Variants in TF observed in about 807,000 individuals in gnomAD.
TF encodes the protein serotransferrin.
TF carries 55 observed loss-of-function variants against 82.4 expected under a neutral mutation model. The ratio of observed to expected loss-of-function variants is 0.67; its 90% CI spans 0.54 to 0.84. TF has a LOEUF of 0.84. TF is among the 40% of genes least tolerant of loss of function. TF has a pLI of 0.00. For missense variants in TF, 737 were observed against 868.4 expected (o/e 0.85, Z 1.90); for synonymous variants, 332 against 332.6 (o/e 1.00, Z 0.02).
chr3:133,718,480 A>T, the TF span, among the ~76,000 whole-genome samples: 6 of 152,168 alleles, frequency 3.9e-5, no homozygotes, highest in African/African-American at 1.4e-4. Flanking sequence ...TCTGGGAAGC[A>T]GGAGCACAGG....
At chr3:133,772,757 C>T (rs1261109351) in intron 14 of TF, 1 of 152,012 alleles carries the variant, frequency 6.6e-6, no homozygotes, top group East Asian at 1.9e-4. Flanking sequence ...AGGTAGACAA[C>T]ATGATTTTTA....
the TF span, among the ~76,000 whole-genome samples, chr3:133,672,811 G>A: frequency 1.4e-5 from 2 of 144,840 alleles, no homozygotes; most frequent in Non-Finnish European, 3.1e-5. Context: ...GAGAGAAAGA[G>A]AAAGAAAAAG....
Position 133,755,461 on chromosome 3 carries a change from C to T in TF, c.601C>T (p.Leu201Phe), listed in dbSNP as rs778133263. 6.2e-7 allele frequency: 1 copy of T among 1,614,164 alleles called. No homozygotes were observed. The highest frequency in any genetic ancestry group is 1.3e-5 in the African/African-American group (1 of 75,062). ...GTGTCCAGGGTGTGGCTGCTCCACC[C>T]TTAACCAATACTTCGGCTACTCGGG... ...QLCPGCGCST[L>F]NQYFGYSGAF... The change falls in exon 5 of 17, where the codon CTT becomes TTT. Residue 201 changes from leucine to phenylalanine, a missense_variant. Transcript: ENST00000402696.
At chr3:133,739,101 G>T in the TF span, among the ~76,000 whole-genome samples, 1 of 152,118 alleles carries the variant, frequency 6.6e-6, no homozygotes, top group African/African-American at 2.4e-5. Flanking sequence ...GCAGGGCACT[G>T]GTACCAAAAC....
the TF span, among the ~76,000 whole-genome samples, chr3:133,687,878 G>A: frequency 6.6e-6 from 1 of 152,214 alleles, no homozygotes; most frequent in Non-Finnish European, 1.5e-5. Flanking sequence ...TGTGAATAGT[G>A]CTGCTGTGAA....
intron 1 of TF, among the ~76,000 whole-genome samples, chr3:133,747,789 C>G (rs906472399): frequency 6.6e-6 from 1 of 152,124 alleles, no homozygotes; most frequent in Admixed American, 6.5e-5. Flanking sequence ...TAATTCTTTT[C>G]GTTAATTTAC....
chr3:133,787,157 A>G lies in TF; in HGVS notation c.*8537A>G, dbSNP rs1188930893. 1 of 152,144 alleles carries G rather than the reference A, an allele frequency of 6.6e-6. No homozygotes were observed. The highest frequency in any genetic ancestry group is 1.5e-5 in the Non-Finnish European group (1 of 68,020). The allele number at this position is 152,144 out of a possible 1,614,324, so 9.4% of individuals were successfully genotyped here. A position where few individuals can be genotyped will look rare whatever the true frequency, so the allele number is the denominator to read the frequency against. On this transcript the variant is annotated 3_prime_UTR_variant, in exon 17 of 17. Transcript: ENST00000402696. ...AGTACATAATGGACAAATGAGTCCT[A>G]ATTTTGCAACATTTGGTCTCTAGAT...
At chr3:133,725,843 T>C in the TF span, among the ~76,000 whole-genome samples, 1 of 152,196 alleles carries the variant, frequency 6.6e-6, no homozygotes, top group Non-Finnish European at 1.5e-5. Context: ...CAATACCTAA[T>C]TTATTGAGAG....
At chr3:133,679,569 C>CTTTTTT in the TF span, among the ~76,000 whole-genome samples, 432 of 75,370 alleles carry the variant, frequency 5.7e-3, 15 homozygotes, top group Middle Eastern at 0.029. Context: ...CTTTGTTTGG[C>CTTTTTT]TTTTTTTTTT....
the TF span, among the ~76,000 whole-genome samples, chr3:133,729,643 C>G: frequency 6.6e-6 from 1 of 152,192 alleles, no homozygotes; most frequent in African/African-American, 2.4e-5. Context: ...TGTTTCGGCT[C>G]GTGCACAGTG....
the TF span, among the ~76,000 whole-genome samples, chr3:133,679,569 CTTTTTT>C: frequency 2.8e-4 from 21 of 75,382 alleles, no homozygotes; most frequent in African/African-American, 1.1e-3. Flanking sequence ...CTTTGTTTGG[CTTTTTT>C]TTTTTTTTTT....
At chr3:133,720,863 T>C in the TF span, among the ~76,000 whole-genome samples, 2 of 152,216 alleles carry the variant, frequency 1.3e-5, no homozygotes, top group Middle Eastern at 3.4e-3. Context: ...ATTTCTTCTA[T>C]GTTATCAAAT....
At position 133,793,816 on chromosome 3, in the gene TF, G is replaced by T. The variant is rs749870142; in HGVS notation, c.*15196G>T. The T allele has an allele frequency of 6.6e-6, 1 of 152,084 alleles. No homozygotes were observed. Among genetic ancestry groups the T allele is most frequent in the Non-Finnish European group, 1.5e-5 (1 of 68,010 alleles). The allele number at this position is 152,084 out of a possible 1,614,324, so 9.4% of individuals were successfully genotyped here. The stretch of plus-strand genomic sequence containing the variant: ...GAAAGATTGGAAAGGACCCTAAAAA[G>T]CACTCTTGAATACAGGTTTCTAATA... On this transcript the variant is annotated 3_prime_UTR_variant, in exon 17 of 17. Coordinates refer to ENST00000402696, the MANE Select transcript of TF (RefSeq NM_001063.4).
chr3:133,682,589 A>G, the TF span, among the ~76,000 whole-genome samples: 12 of 152,244 alleles, frequency 7.9e-5, no homozygotes, highest in Admixed American at 3.9e-4. Flanking sequence ...CAATTCGATC[A>G]AGTGGAAGAA....
At chr3:133,666,241 C>T in the TF span, among the ~76,000 whole-genome samples, 5 of 152,052 alleles carry the variant, frequency 3.3e-5, no homozygotes, top group South Asian at 4.1e-4. Context: ...GGCATGATCT[C>T]GGCTCACTGC....
chr3:133,792,045 C>G lies in TF; in HGVS notation c.*13425C>G, dbSNP rs1245107769. 6.6e-6 allele frequency: 1 copy of G among 152,056 alleles called. No individual in the cohort carries two copies. Among genetic ancestry groups the G allele is most frequent in the Non-Finnish European group, 1.5e-5 (1 of 68,022 alleles). 9.4% of individuals were successfully genotyped at this position (152,056 alleles called of 1,614,324 possible). A position where few individuals can be genotyped will look rare whatever the true frequency, so the allele number is the denominator to read the frequency against. ...ATGTAAATATTTAGTCTAAATTATG[C>G]AGGTCAGATATTAGATTTGCAAAAT... On this transcript the variant is annotated 3_prime_UTR_variant, in exon 17 of 17. Coordinates refer to ENST00000402696, the MANE Select transcript of TF (RefSeq NM_001063.4).
At chr3:133,694,794 C>T in the TF span, among the ~76,000 whole-genome samples, 1 of 152,236 alleles carries the variant, frequency 6.6e-6, no homozygotes, top group African/African-American at 2.4e-5. Context: ...GAAATAGCTA[C>T]TACTCCAAGG....
At chr3:133,725,142 C>CT in the TF span, among the ~76,000 whole-genome samples, 1 of 152,090 alleles carries the variant, frequency 6.6e-6, no homozygotes, top group Non-Finnish European at 1.5e-5. Flanking sequence ...GATGGGGGCT[C>CT]TTTTTTGGTT....
At chr3:133,699,403 T>G in the TF span, 1 of 1,038,150 alleles carries the variant, frequency 9.6e-7, no homozygotes, top group Non-Finnish European at 1.4e-6. Flanking sequence ...CTATGGCTCA[T>G]GGCTCTCCTG....
Sources: allele counts gnomAD v4.1 joint callset (sites outside exome capture counted in the v4.1 genomes callset), GRCh38; gene constraint gnomAD v4.1.1; transcripts MANE v1.5; gene names NCBI Gene and HGNC (gene_info 2026-07-23, HGNC 2026-07-21).